LRRC37A2: variants seen among roughly 807,000 people sequenced by gnomAD.
The protein encoded by LRRC37A2 is leucine-rich repeat-containing protein 37A2.
A neutral mutation model predicts 68.8 loss-of-function variants in LRRC37A2; 9 were observed. That is an observed-to-expected ratio of 0.13 (90% CI 0.08 to 0.23). The LOEUF (loss-of-function observed/expected upper bound fraction) is 0.23, where lower values mean the gene tolerates loss of function less well. LRRC37A2 is among the 10% of genes least tolerant of loss of function. The pLI, the probability that LRRC37A2 is intolerant of heterozygous loss-of-function variation, is 1.00. For synonymous variants in LRRC37A2, 63 were observed against 367.6 expected (o/e 0.17, Z 9.48); for missense variants, 168 against 950.4 (o/e 0.18, Z 10.82).
chr17:46,855,281 T>G, the LRRC37A2 span, among the ~76,000 whole-genome samples: 1 of 152,240 alleles, frequency 6.6e-6, no homozygotes, highest in Non-Finnish European at 1.5e-5. Context: ...TTAGACTCTC[T>G]TGGCTGTAGT....
chr17:46,875,023 G>A, the LRRC37A2 span: 28 of 1,610,952 alleles, frequency 1.7e-5, 1 homozygote, highest in South Asian at 2.2e-5. Context: ...CTCAGAGGGC[G>A]GCAGGCAACC....
the LRRC37A2 span, chr17:46,770,159 G>A: frequency 7.2e-7 from 1 of 1,387,138 alleles, no homozygotes; most frequent in Non-Finnish European, 9.5e-7. Flanking sequence ...AAGAGTTGAA[G>A]AGCTCACCAG....
the LRRC37A2 span, among the ~76,000 whole-genome samples, chr17:46,806,478 G>A: frequency 2.6e-5 from 4 of 152,134 alleles, no homozygotes; most frequent in Non-Finnish European, 5.9e-5. Flanking sequence ...CAAAGTGCCG[G>A]GGTTACAGGC....
At chr17:46,716,580 G>C in the LRRC37A2 span, among the ~76,000 whole-genome samples, 1 of 152,182 alleles carries the variant, frequency 6.6e-6, no homozygotes, top group South Asian at 2.1e-4. Flanking sequence ...TTAGTGTGAG[G>C]ATGGAAAGAA....
the LRRC37A2 span, among the ~76,000 whole-genome samples, chr17:46,814,477 G>C: frequency 6.6e-6 from 1 of 152,136 alleles, no homozygotes; most frequent in Non-Finnish European, 1.5e-5. Flanking sequence ...ACTTCCAAGA[G>C]ACCTGGACTA....
chr17:46,767,258 C>T, the LRRC37A2 span, among the ~76,000 whole-genome samples: 2 of 152,076 alleles, frequency 1.3e-5, no homozygotes, highest in African/African-American at 2.4e-5. Context: ...TTTGATCCCT[C>T]GATTACTCAT....
chr17:46,726,591 G>A, the LRRC37A2 span: 2 of 1,613,894 alleles, frequency 1.2e-6, no homozygotes, highest in East Asian at 4.5e-5. Flanking sequence ...TTGTGTGGTT[G>A]TGGATGACAT....
At chr17:46,708,934 C>G in the LRRC37A2 span, among the ~76,000 whole-genome samples, 5 of 149,996 alleles carry the variant, frequency 3.3e-5, no homozygotes, top group East Asian at 9.8e-4. Flanking sequence ...AAGTGATTCT[C>G]CTGCCTCAGC....
At chr17:46,703,680 C>CAAAAAAAA in the LRRC37A2 span, among the ~76,000 whole-genome samples, 62 of 37,378 alleles carry the variant, frequency 1.7e-3, no homozygotes, top group African/African-American at 3.2e-3. Flanking sequence ...GACTCCGTCT[C>CAAAAAAAA]AAAAAAAAAA....
chr17:46,490,955 C>T, the LRRC37A2 span, among the ~76,000 whole-genome samples: 7 of 149,908 alleles, frequency 4.7e-5, no homozygotes, highest in South Asian at 4.1e-4. Flanking sequence ...AGTGCAGTGG[C>T]GCGATCTCGG....
the LRRC37A2 span, among the ~76,000 whole-genome samples, chr17:46,622,349 T>G: frequency 6.7e-6 from 1 of 149,830 alleles, no homozygotes; most frequent in Non-Finnish European, 1.5e-5. Context: ...TCCCAGCTAC[T>G]TGGGAGGCTG....
At chr17:46,901,362 A>T in the LRRC37A2 span, among the ~76,000 whole-genome samples, 1 of 152,054 alleles carries the variant, frequency 6.6e-6, no homozygotes, top group Admixed American at 6.6e-5. Context: ...GTGTTTCACC[A>T]TGTTGGCCAG....
At chr17:46,905,166 G>C in the LRRC37A2 span, among the ~76,000 whole-genome samples, 1 of 152,058 alleles carries the variant, frequency 6.6e-6, no homozygotes, top group South Asian at 2.1e-4. Context: ...CTGCCTCCCG[G>C]GTTCAAGCGA....
the LRRC37A2 span, among the ~76,000 whole-genome samples, chr17:46,503,381 A>G: frequency 4.7e-5 from 7 of 148,812 alleles, 1 homozygote; most frequent in Admixed American, 3.3e-4. Flanking sequence ...TGTTCTGGGA[A>G]TGAAAAAAGA....
At chr17:46,868,876 G>C in the LRRC37A2 span, among the ~76,000 whole-genome samples, 5 of 152,220 alleles carry the variant, frequency 3.3e-5, no homozygotes, top group Admixed American at 3.3e-4. Context: ...TGGGGTCTAG[G>C]AAGATACCTT....
At chr17:46,734,012 A>G in the LRRC37A2 span, among the ~76,000 whole-genome samples, 1 of 152,212 alleles carries the variant, frequency 6.6e-6, no homozygotes, top group Non-Finnish European at 1.5e-5. Flanking sequence ...GGGTAGACAC[A>G]CTTGTTTCTG....
chr17:46,752,291 TC>T, the LRRC37A2 span, among the ~76,000 whole-genome samples: 1 of 152,126 alleles, frequency 6.6e-6, no homozygotes, highest in Non-Finnish European at 1.5e-5. Context: ...ACTCCACCCT[TC>T]CATGTGCCCA....
At chr17:47,028,980 A>C in the LRRC37A2 span, among the ~76,000 whole-genome samples, 1 of 151,774 alleles carries the variant, frequency 6.6e-6, no homozygotes, top group Admixed American at 6.6e-5. Context: ...GGAGTTTGAG[A>C]CCAGCCTGGC....
the LRRC37A2 span, among the ~76,000 whole-genome samples, chr17:46,911,253 C>T: frequency 2.4e-4 from 36 of 152,358 alleles, no homozygotes; most frequent in African/African-American, 8.7e-4. Flanking sequence ...GAGAATCAGA[C>T]TCAGGCTTTG....
Sources: allele counts gnomAD v4.1 joint callset (sites outside exome capture counted in the v4.1 genomes callset), GRCh38; gene constraint gnomAD v4.1.1; transcripts MANE v1.5; gene names NCBI Gene and HGNC (gene_info 2026-07-23, HGNC 2026-07-21).